GABRA5: variants seen among roughly 807,000 people sequenced by gnomAD.
GABRA5 encodes gamma-aminobutyric acid type A receptor subunit alpha5.
Under a neutral mutation model 47.3 loss-of-function variants are expected in GABRA5, and 18 were observed. The observed-to-expected ratio is 0.38, with a 90% CI of 0.26 to 0.56. The LOEUF (loss-of-function observed/expected upper bound fraction) is 0.56, where lower values mean the gene tolerates loss of function less well. Among genes scored for constraint, GABRA5 ranks in the 20% least tolerant of loss-of-function variants. The pLI is 0.71. For missense variants in GABRA5, 365 were observed against 599.3 expected (o/e 0.61, Z 4.08); for synonymous variants, 237 against 229.3 (o/e 1.03, Z -0.30).
chr15:26,883,416 C>T lies in GABRA5; in HGVS notation c.356C>T (p.Pro119Leu). 6.2e-7 allele frequency: 1 copy of T among 1,614,134 alleles called. No homozygotes were observed. Among genetic ancestry groups the T allele is most frequent in the Non-Finnish European group, 8.5e-7 (1 of 1,179,968 alleles). The stretch of plus-strand genomic sequence containing the variant: ...TTTAAGGGGCCCATGCAGCGCCTCC[C>T]TCTCAACAACCTCCTTGCCAGCAAG... ...LRFKGPMQRL[P>L]LNNLLASKIW... The change falls in exon 6 of 11, where the codon CCT (proline) becomes CTT (leucine). Residue 119 changes from proline (P) to leucine (L), a missense_variant. Physicochemically the swap from Pro to Leu is moderately conservative, Grantham distance 98. Transcript: ENST00000335625. This position sits in a 1 kb window ranked among gnomAD's most constrained non-coding sequence, Gnocchi z 4.8.
At chr15:26,886,988 A>C (rs1595400280) in intron 6 of GABRA5, among the ~76,000 whole-genome samples, 1 of 152,232 alleles carries the variant, frequency 6.6e-6, no homozygotes, top group Non-Finnish European at 1.5e-5. Flanking sequence ...TGAAATAGGA[A>C]TCACCAAAGC....
rs192470016 is a variant in GABRA5 at position 26,900,293 on chromosome 15, A to G, written c.498-14510A>G. 5.6e-4 allele frequency among the ~76,000 whole-genome samples: 85 copies of G among 152,116 alleles called. 1 individual carries two copies. The highest frequency in any genetic ancestry group is 1.8e-3 in the African/African-American group (74 of 41,444). On this transcript the variant is annotated intron_variant, in intron 6 of 10. Transcript: ENST00000335625. ...TATTTTATGCATTATTTTATGCATT[A>G]TTAAATAATTATACAATTTTTTTGT...
At chr15:26,885,970 C>A (rs1430194650) in intron 6 of GABRA5, among the ~76,000 whole-genome samples, 1 of 152,162 alleles carries the variant, frequency 6.6e-6, no homozygotes, top group East Asian at 1.9e-4. Flanking sequence ...TTACTTTAAT[C>A]TTTGGGTCCA....
At chr15:26,893,440 G>A (rs1207458259) in intron 6 of GABRA5, among the ~76,000 whole-genome samples, 1 of 151,688 alleles carries the variant, frequency 6.6e-6, no homozygotes, top group Non-Finnish European at 1.5e-5. Flanking sequence ...TGTGGCGTGT[G>A]TGTGACTGCC....
At chr15:26,926,430 C>G (rs1472715686) in intron 7 of GABRA5, among the ~76,000 whole-genome samples, 6 of 152,046 alleles carry the variant, frequency 3.9e-5, no homozygotes, top group African/African-American at 9.7e-5. Context: ...AATAATTCAA[C>G]TTTTTCAAAC....
intron 10 of GABRA5, 34 bp downstream of exon 10, chr15:26,943,460 C>T (rs1250836456): frequency 1.3e-6 from 2 of 1,527,558 alleles, no homozygotes; most frequent in South Asian, 1.2e-5. Context: ...CTTCCAGGTC[C>T]CCTTGACAGA....
chr15:26,866,848 A>C (rs1182616661), upstream of GABRA5: 1 of 152,174 alleles, frequency 6.6e-6, no homozygotes, highest in Non-Finnish European at 1.5e-5. Context: ...CTATCACCCG[A>C]CTGCTGACAC....
Position 26,883,672 on chromosome 15 carries a change from C to A in GABRA5, c.497+115C>A. ...TGTTCTGACCATAGGTCTGAGACTGCGGCGCGTGTGTGCTGGGGGTTCCCC... is the reference window on the plus strand; with the variant it reads ...TGTTCTGACCATAGGTCTGAGACTGAGGCGCGTGTGTGCTGGGGGTTCCCC... On this transcript the variant is annotated intron_variant, in intron 6 of 10. Transcript: ENST00000335625. This position sits in a 1 kb window ranked among gnomAD's most constrained non-coding sequence, Gnocchi z 4.8. 4 of 816,460 alleles carry A rather than the reference C, an allele frequency of 4.9e-6. No homozygotes were observed. The South Asian group carries it at 7.4e-5, about 15-fold the overall frequency. The allele number at this position is 816,460 out of a possible 1,614,324, so 50.6% of individuals were successfully genotyped here.
chr15:26,939,980 T>C lies in GABRA5; in HGVS notation c.780T>C (p.Phe260=). 6.2e-7 allele frequency: 1 copy of C among 1,614,004 alleles called. No individual in the cohort carries two copies. The highest frequency in any genetic ancestry group is 1.1e-5 in the South Asian group (1 of 91,086). The change falls in exon 9 of 11, where the codon TTT becomes TTC. Residue 260 remains phenylalanine (F), a synonymous_variant. Transcript: ENST00000335625. ...HFHLKRKIGY[F]VIQTYLPCIM... ...ACCTGAAAAGGAAGATTGGCTACTT[T>C]GTCATCCAGACCTACCTTCCCTGCA...
intron 3 of GABRA5, among the ~76,000 whole-genome samples, chr15:26,874,555 A>G (rs1434132901): frequency 6.6e-6 from 1 of 152,162 alleles, no homozygotes; most frequent in Non-Finnish European, 1.5e-5. Flanking sequence ...AGGACTATAT[A>G]TGGGAAACCA....
chr15:26,890,857 C>G (rs1778162666), intron 6 of GABRA5, among the ~76,000 whole-genome samples: 1 of 152,082 alleles, frequency 6.6e-6, no homozygotes, highest in Non-Finnish European at 1.5e-5. Flanking sequence ...TGTATGAGAT[C>G]TCCTTTTCCT....
At chr15:26,936,327 C>T (rs996683278) in intron 7 of GABRA5, among the ~76,000 whole-genome samples, 2 of 151,544 alleles carry the variant, frequency 1.3e-5, no homozygotes, top group African/African-American at 4.8e-5. Flanking sequence ...CCTTTGCAAG[C>T]TTCCAGATTA....
chr15:26,912,789 A>G (rs1028083338), intron 6 of GABRA5, among the ~76,000 whole-genome samples: 1 of 152,248 alleles, frequency 6.6e-6, no homozygotes, highest in Non-Finnish European at 1.5e-5. Context: ...ATGTACATGT[A>G]GAAAAACTCA....
chr15:26,879,400 C>T lies in GABRA5; in HGVS notation c.87-1446C>T, dbSNP rs373832293. Reference sequence around the variant, plus strand: ...TGCTAGGCTTAGTGCTATGTCTTTCCGAAGTGTGCAACTACCATGGATGTT... The same window carrying T: ...TGCTAGGCTTAGTGCTATGTCTTTCTGAAGTGTGCAACTACCATGGATGTT... On this transcript the variant is annotated intron_variant, in intron 3 of 10. Coordinates refer to ENST00000335625, the MANE Select transcript of GABRA5 (RefSeq NM_000810.4). 1.9e-4 allele frequency among the ~76,000 whole-genome samples: 29 copies of T among 152,194 alleles called. No individual in the cohort carries two copies. In the South Asian group the frequency reaches 2.1e-3, roughly 11 times the overall value.
chr15:26,893,832 G>C (rs1893103703), intron 6 of GABRA5, among the ~76,000 whole-genome samples: 1 of 152,076 alleles, frequency 6.6e-6, no homozygotes, highest in African/African-American at 2.4e-5. Flanking sequence ...GGGGACCCGC[G>C]TGGGCAGCAG....
rs924164776 is a variant in GABRA5 at position 26,883,275 on chromosome 15, C to T, written c.276+42C>T. ...GGCTGGGCAGACAATTCTTACTCCGCGCCGCAGGCCCCCGCCCAGGCCCCG... is the reference window on the plus strand; with the variant it reads ...GGCTGGGCAGACAATTCTTACTCCGTGCCGCAGGCCCCCGCCCAGGCCCCG... On this transcript the variant is annotated intron_variant, in intron 5 of 10. Coordinates refer to ENST00000335625, the MANE Select transcript of GABRA5 (RefSeq NM_000810.4). This position sits in a 1 kb window ranked among gnomAD's most constrained non-coding sequence, Gnocchi z 4.8. The T allele has an allele frequency of 1.2e-6, 2 of 1,610,684 alleles. No homozygotes were observed. Among genetic ancestry groups the T allele is most frequent in the Non-Finnish European group, 1.7e-6 (2 of 1,176,948 alleles).
chr15:26,939,502 C>A, intron 8 of GABRA5: 1 of 708,914 alleles, frequency 1.4e-6, no homozygotes, highest in Non-Finnish European at 2.6e-6. Context: ...CGTCTCACCT[C>A]CCTGGAGCCT....
chr15:26,875,421 G>T (rs1892572260), intron 3 of GABRA5, among the ~76,000 whole-genome samples: 1 of 152,234 alleles, frequency 6.6e-6, no homozygotes, highest in Non-Finnish European at 1.5e-5. Context: ...GCAGAGTGGG[G>T]CTTGCCTCCC....
chr15:26,923,498 G>C (rs981995612), intron 7 of GABRA5, among the ~76,000 whole-genome samples: 5 of 133,238 alleles, frequency 3.8e-5, no homozygotes, highest in African/African-American at 9.1e-5. Flanking sequence ...TTTCTGTCTT[G>C]TTACCTTAAA....
Sources: allele counts gnomAD v4.1 joint callset (sites outside exome capture counted in the v4.1 genomes callset), GRCh38; gene constraint gnomAD v4.1.1; non-coding constraint Gnocchi (gnomAD v3.1); transcripts MANE v1.5; gene names NCBI Gene and HGNC (gene_info 2026-07-23, HGNC 2026-07-21).